TCF12: variants seen among roughly 807,000 people sequenced by gnomAD.
TCF12 encodes the protein DNA-binding protein HTF4.
Under a neutral mutation model 86.0 loss-of-function variants are expected in TCF12, and 45 were observed. That is an observed-to-expected ratio of 0.52 (90% CI 0.41 to 0.67). TCF12 has a LOEUF of 0.67. Ranked by LOEUF, TCF12 falls within the 30% of genes least tolerant of loss-of-function variation. The pLI, the probability that TCF12 is intolerant of heterozygous loss-of-function variation, is 0.00. For synonymous variants in TCF12, 330 were observed against 299.6 expected (o/e 1.10, Z -1.05); for missense variants, 881 against 859.9 (o/e 1.02, Z -0.31).
intron 13 of TCF12, among the ~76,000 whole-genome samples, chr15:57,248,691 C>A (rs752172788): frequency 1.3e-5 from 2 of 152,182 alleles, no homozygotes; most frequent in Non-Finnish European, 2.9e-5. Context: ...TAACAAAGTG[C>A]GTTACACTGG....
At chr15:57,121,868 C>T (rs979557980) in intron 5 of TCF12, among the ~76,000 whole-genome samples, 7 of 152,048 alleles carry the variant, frequency 4.6e-5, no homozygotes, top group African/African-American at 1.4e-4. Context: ...TCCTGGAATT[C>T]TTGGGGAAGA....
chr15:57,035,547 G>T (rs1444427096), intron 3 of TCF12, among the ~76,000 whole-genome samples: 1 of 152,162 alleles, frequency 6.6e-6, no homozygotes, highest in African/African-American at 2.4e-5. Flanking sequence ...GATTGTAGGT[G>T]TGAGCCACTA....
chr15:56,946,011 C>A (rs1206965419), intron 3 of TCF12, among the ~76,000 whole-genome samples: 2 of 152,174 alleles, frequency 1.3e-5, no homozygotes, highest in African/African-American at 2.4e-5. Flanking sequence ...GACTTCCACC[C>A]TTTGGGACTG....
At chr15:57,219,721 T>A in intron 8 of TCF12, 15 of 105,384 alleles carry the variant, frequency 1.4e-4, no homozygotes, top group Non-Finnish European at 1.9e-4. Flanking sequence ...TGTAGATTTC[T>A]TTTTTTTTTT....
At chr15:57,251,892 C>T (rs551911674) in intron 14 of TCF12, among the ~76,000 whole-genome samples, 1 of 152,104 alleles carries the variant, frequency 6.6e-6, no homozygotes, top group South Asian at 2.1e-4. Flanking sequence ...TATTATTTCC[C>T]ATGTTTTCTT....
At chr15:57,064,449 A>G (rs1226283007) in intron 4 of TCF12, among the ~76,000 whole-genome samples, 1 of 152,192 alleles carries the variant, frequency 6.6e-6, no homozygotes, top group Non-Finnish European at 1.5e-5. Context: ...AATTGGAATA[A>G]AAGTAAGCAC....
intron 5 of TCF12, among the ~76,000 whole-genome samples, chr15:57,137,302 G>C (rs549777868): frequency 6.6e-6 from 1 of 152,214 alleles, no homozygotes; most frequent in South Asian, 2.1e-4. Context: ...TTCTTAATGT[G>C]ATATCCAGCA....
intron 16 of TCF12, 107 bp from the exon 17 acceptor site, chr15:57,261,987 G>C: frequency 3.1e-6 from 2 of 649,128 alleles, no homozygotes; most frequent in Non-Finnish European, 4.9e-6. Flanking sequence ...GCTGAAATCA[G>C]ATGAGTGACA....
chr15:57,237,722 G>T (rs1174511086), intron 12 of TCF12, among the ~76,000 whole-genome samples: 3 of 152,062 alleles, frequency 2.0e-5, no homozygotes, highest in African/African-American at 7.2e-5. Flanking sequence ...TTTAAGTCCA[G>T]AAAGTATGAA....
At chr15:57,252,809 A>G (rs551906496) in intron 15 of TCF12, among the ~76,000 whole-genome samples, 29 of 152,288 alleles carry the variant, frequency 1.9e-4, no homozygotes, top group Non-Finnish European at 2.9e-5. Flanking sequence ...TATGTTCACC[A>G]TATAAGTTAC....
Position 56,943,462 on chromosome 15 carries a change from G to A in TCF12, c.148+22364G>A, listed in dbSNP as rs2060866550. Reference sequence around the variant, plus strand: ...TGTAATAAAAAGCCTTCAATAAAATGTTAGTTCCTTATGTATAGGCCCTTG... The same window carrying A: ...TGTAATAAAAAGCCTTCAATAAAATATTAGTTCCTTATGTATAGGCCCTTG... On this transcript the variant is annotated intron_variant, in intron 3 of 20. Transcript: ENST00000333725. Among the ~76,000 whole-genome samples, 6 of 152,288 alleles carry A rather than the reference G, an allele frequency of 3.9e-5. No individual in the cohort carries two copies. The South Asian group carries it at 1.2e-3, about 32-fold the overall frequency.
intron 5 of TCF12, among the ~76,000 whole-genome samples, chr15:57,094,788 G>T (rs1219028265): frequency 6.6e-6 from 1 of 152,132 alleles, no homozygotes; most frequent in African/African-American, 2.4e-5. Flanking sequence ...CCATTAAGTG[G>T]GGGAGGGATT....
At chr15:57,262,390 A>G (rs1485066670) in intron 17 of TCF12, among the ~76,000 whole-genome samples, 182 bp downstream of exon 17, 1 of 152,110 alleles carries the variant, frequency 6.6e-6, no homozygotes, top group Admixed American at 6.5e-5. Context: ...ACAATTACAG[A>G]TACTTATTGA....
At chr15:56,979,451 A>T (rs1413089120) in intron 3 of TCF12, among the ~76,000 whole-genome samples, 5 of 152,160 alleles carry the variant, frequency 3.3e-5, no homozygotes, top group African/African-American at 1.2e-4. Context: ...TGAACCATGC[A>T]TTCCTGAGAG....
chr15:56,944,773 T>G (rs1040578457), intron 3 of TCF12, among the ~76,000 whole-genome samples: 3 of 152,102 alleles, frequency 2.0e-5, no homozygotes, highest in Non-Finnish European at 4.4e-5. Flanking sequence ...CAAAATAGTA[T>G]GAGAAATAGA....
chr15:57,224,294 A>T (rs1204076329), intron 8 of TCF12, among the ~76,000 whole-genome samples: 2 of 152,140 alleles, frequency 1.3e-5, no homozygotes, highest in African/African-American at 4.8e-5. Flanking sequence ...TATCCTAGCA[A>T]ACAAGTTTCA....
At chr15:57,190,595 G>T (rs1343738969) in intron 6 of TCF12, among the ~76,000 whole-genome samples, 1 of 152,068 alleles carries the variant, frequency 6.6e-6, no homozygotes, top group Non-Finnish European at 1.5e-5. Context: ...TGTCTTTCAA[G>T]TCTCTGTGAT....
chr15:56,969,642 A>G (rs903547086), intron 3 of TCF12, among the ~76,000 whole-genome samples: 11 of 151,662 alleles, frequency 7.3e-5, no homozygotes, highest in Non-Finnish European at 1.0e-4. Flanking sequence ...GCTTCAAGCA[A>G]TCCTCCCACC....
chr15:57,051,421 C>T (rs1335882619), intron 3 of TCF12, among the ~76,000 whole-genome samples: 5 of 152,228 alleles, frequency 3.3e-5, no homozygotes, highest in Non-Finnish European at 5.9e-5. Flanking sequence ...GTTTCCCATC[C>T]GTAATTTCCA....
Sources: gnomAD v4.1 joint callset for allele counts (sites outside exome capture counted in the v4.1 genomes callset) on GRCh38, gnomAD v4.1.1 for gene constraint, MANE v1.5 for transcripts, NCBI Gene and HGNC (gene_info 2026-07-23, HGNC 2026-07-21) for gene names.